CDKL2: variants seen among roughly 807,000 people sequenced by gnomAD.
The protein encoded by CDKL2 is cyclin-dependent kinase-like 2.
A neutral mutation model predicts 63.9 loss-of-function variants in CDKL2; 64 were observed. That is an observed-to-expected ratio of 1.00 (90% CI 0.82 to 1.23). CDKL2 has a LOEUF of 1.23. Ranked by LOEUF, CDKL2 falls within the 50% of genes most tolerant of loss-of-function variation. The probability of loss-of-function intolerance (pLI) is 0.00; values close to 1 mark genes in which losing one functional copy is unlikely to be tolerated. For synonymous variants in CDKL2, 211 were observed against 229.2 expected (o/e 0.92, Z 0.72); for missense variants, 656 against 668.0 (o/e 0.98, Z 0.20).
intron 12 of CDKL2, among the ~76,000 whole-genome samples, chr4:75,583,894 CAG>C (rs988224240): frequency 1.3e-5 from 2 of 151,724 alleles, no homozygotes; most frequent in African/African-American, 4.8e-5. Flanking sequence ...AAAGGAAAAA[CAG>C]AGGAGCAAAC....
At chr4:75,624,811 T>C (rs749013064) in intron 2 of CDKL2, among the ~76,000 whole-genome samples, 3 of 148,580 alleles carry the variant, frequency 2.0e-5, no homozygotes, top group African/African-American at 5.3e-5. Context: ...TGAACTGAGA[T>C]AGCACCATTG....
In CDKL2 at chr4:75,621,521, C is replaced by T. The variant is rs561541903; in HGVS notation, c.168+4300G>A. Among the ~76,000 whole-genome samples, 3 of 151,534 alleles carry T rather than the reference C, an allele frequency of 2.0e-5. No individual in the cohort carries two copies. In the South Asian group the frequency reaches 6.2e-4, roughly 32 times the overall value. On this transcript the variant is annotated intron_variant, in intron 2 of 13. Coordinates refer to ENST00000307465, the MANE Select transcript of CDKL2 (RefSeq NM_001330724.2). The stretch of plus-strand genomic sequence containing the variant: ...TGAATGCTATATCCTGAGAAAACGG[C>T]CTTTTTTTCTTTTTTTTTGAAGCGA...
chr4:75,607,131 A>G, intron 4 of CDKL2, 52 bp downstream of exon 4: 1 of 1,416,526 alleles, frequency 7.1e-7, no homozygotes, highest in African/African-American at 1.4e-5. Flanking sequence ...ATATTCCACT[A>G]TAGCAAGAAG....
At chr4:75,620,343 A>G (rs1394267852) in intron 2 of CDKL2, among the ~76,000 whole-genome samples, 6 of 152,220 alleles carry the variant, frequency 3.9e-5, no homozygotes, top group African/African-American at 7.2e-5. Context: ...GACTTCAGAT[A>G]TTGTAATTAT....
chr4:75,576,676 A>G lies in CDKL2; in HGVS notation c.*2526T>C, dbSNP rs1728037948. On this transcript the variant is annotated 3_prime_UTR_variant, in exon 14 of 14. Transcript: ENST00000307465. Reference sequence around the variant, plus strand: ...CTAATCCCCTGACCATGGTTCAGTTATATAGAGGAGGACTTAGAAAACAAA... The same window carrying G: ...CTAATCCCCTGACCATGGTTCAGTTGTATAGAGGAGGACTTAGAAAACAAA... 6.6e-6 allele frequency among the ~76,000 whole-genome samples: 1 copy of G among 152,206 alleles called. No individual in the cohort carries two copies. The highest frequency in any genetic ancestry group is 2.1e-4 in the South Asian group (1 of 4,836).
intron 12 of CDKL2, among the ~76,000 whole-genome samples, chr4:75,584,669 GT>G (rs369750694): frequency 6.6e-6 from 1 of 151,932 alleles, no homozygotes; most frequent in Non-Finnish European, 1.5e-5. Context: ...ACAGTATTGT[GT>G]TTTTTTTAAT....
chr4:75,587,536 G>T (rs1422596445), intron 12 of CDKL2, among the ~76,000 whole-genome samples: 2 of 151,998 alleles, frequency 1.3e-5, no homozygotes, highest in Non-Finnish European at 2.9e-5. Flanking sequence ...TGTATGACAC[G>T]AACAAAAGGA....
intron 3 of CDKL2, among the ~76,000 whole-genome samples, chr4:75,612,057 G>A (rs185047643): frequency 2.3e-3 from 345 of 152,122 alleles, no homozygotes; most frequent in Middle Eastern, 6.8e-3. Context: ...TGCAACCTCC[G>A]CCTCCTGGGT....
intron 3 of CDKL2, among the ~76,000 whole-genome samples, chr4:75,608,270 G>A (rs1462321827): frequency 2.6e-5 from 4 of 151,516 alleles, no homozygotes; most frequent in African/African-American, 9.7e-5. Flanking sequence ...GATTACAGGC[G>A]CCTGCCACCA....
chr4:75,580,775 AC>A, intron 13 of CDKL2, among the ~76,000 whole-genome samples: 1 of 141,816 alleles, frequency 7.1e-6, no homozygotes, highest in Middle Eastern at 3.6e-3. Context: ...ATCTCGGCTC[AC>A]TGCAAGCTCC....
At chr4:75,612,878 A>G (rs1729763248) in intron 3 of CDKL2, among the ~76,000 whole-genome samples, 1 of 152,212 alleles carries the variant, frequency 6.6e-6, no homozygotes, top group Non-Finnish European at 1.5e-5. Flanking sequence ...TAATCCCAGT[A>G]CTTTGGGAGG....
At position 75,596,309 on chromosome 4, in the gene CDKL2, G is replaced by C. The variant is rs201572052; in HGVS notation, c.1354C>G (p.Pro452Ala). The C allele has an allele frequency of 6.2e-7, 1 of 1,611,430 alleles. No homozygotes were observed. Among genetic ancestry groups the C allele is most frequent in the Non-Finnish European group, 8.5e-7 (1 of 1,177,864 alleles). Residue 452 changes from proline to alanine, a missense_variant, in exon 10 of 14, where the codon CCA (proline) becomes GCA (alanine). Transcript: ENST00000307465. ...GAATGTCTGTTCGGTTTAACAAATG[G>C]AATAGAACACTTCTTAGTTTTCTCA... ...VDEKTKKCSIPFVKPNRHSPS... is the reference protein window; with the variant it reads ...VDEKTKKCSIAFVKPNRHSPS...
At chr4:75,627,562 C>T (rs1007206857) in intron 1 of CDKL2, among the ~76,000 whole-genome samples, 1 of 152,070 alleles carries the variant, frequency 6.6e-6, no homozygotes, top group African/African-American at 2.4e-5. Flanking sequence ...TGAGCCAGAG[C>T]GCCCGGCCTG....
At chr4:75,622,269 T>C (rs1283899413) in intron 2 of CDKL2, among the ~76,000 whole-genome samples, 1 of 152,104 alleles carries the variant, frequency 6.6e-6, no homozygotes, top group Non-Finnish European at 1.5e-5. Flanking sequence ...ACAAAGATTG[T>C]CAGACTGAAT....
intron 7 of CDKL2, among the ~76,000 whole-genome samples, chr4:75,599,339 A>G (rs1234288364): frequency 6.6e-6 from 1 of 152,168 alleles, no homozygotes; most frequent in African/African-American, 2.4e-5. Context: ...AGGTGGGCAG[A>G]TCACCTGAGG....
intron 12 of CDKL2, among the ~76,000 whole-genome samples, chr4:75,591,473 T>C (rs1728712135): frequency 6.6e-6 from 1 of 152,110 alleles, no homozygotes; most frequent in Non-Finnish European, 1.5e-5. Context: ...GGTGCATGCC[T>C]GTAATCTCAG....
At position 75,607,173 on chromosome 4, in the gene CDKL2, G is replaced by A. The variant is rs1262194432; in HGVS notation, c.542+10C>T. 6.3e-7 allele frequency: 1 copy of A among 1,598,640 alleles called. No individual in the cohort carries two copies. Among genetic ancestry groups the A allele is most frequent in the Admixed American group, 1.7e-5 (1 of 58,438 alleles). ...TAAAAATCTACTCCTCCCCATTACTGATGTCTTACTTGCCATACTTGACAT... is the reference window on the plus strand; with the variant it reads ...TAAAAATCTACTCCTCCCCATTACTAATGTCTTACTTGCCATACTTGACAT... On this transcript the variant is annotated intron_variant, in intron 4 of 13. Transcript: ENST00000307465.
At chr4:75,594,291 T>G (rs1728823748) in intron 10 of CDKL2, among the ~76,000 whole-genome samples, 1 of 151,754 alleles carries the variant, frequency 6.6e-6, no homozygotes, top group Non-Finnish European at 1.5e-5. Context: ...CTACTAAAAA[T>G]ACAAAAATTA....
chr4:75,581,514 G>A (rs1187481128), intron 13 of CDKL2, among the ~76,000 whole-genome samples: 1 of 152,204 alleles, frequency 6.6e-6, no homozygotes, highest in Non-Finnish European at 1.5e-5. Context: ...TGACTGATAA[G>A]GGAGATAGGT....
Sources: gnomAD v4.1 joint callset for allele counts (sites outside exome capture counted in the v4.1 genomes callset) on GRCh38, gnomAD v4.1.1 for gene constraint, MANE v1.5 for transcripts, NCBI Gene and HGNC (gene_info 2026-07-23, HGNC 2026-07-21) for gene names.